The following ENO4 variants were observed in gnomAD, a reference collection of about 807,000 sequenced individuals.
The protein encoded by ENO4 is enolase 4.
A neutral mutation model predicts 63.2 loss-of-function variants in ENO4; 53 were observed. The ratio of observed to expected loss-of-function variants is 0.84; its 90% CI spans 0.67 to 1.05. The LOEUF is 1.05. Ranked by LOEUF, ENO4 falls within the 50% of genes least tolerant of loss-of-function variation. ENO4 has a pLI of 0.00. For synonymous variants in ENO4, 266 were observed against 283.8 expected (o/e 0.94, Z 0.63); for missense variants, 719 against 772.0 (o/e 0.93, Z 0.81).
chr10:116,849,917 A>G (rs1020913172), intron 1 of ENO4, 186 bp downstream of exon 1: 1 of 752,130 alleles, frequency 1.3e-6, no homozygotes, highest in Non-Finnish European at 2.3e-6. Flanking sequence ...GGGTGAAGGG[A>G]TCTCCCCAGA....
chr10:116,860,936 A>G lies in ENO4; in HGVS notation c.777A>G (p.Leu259=), dbSNP rs1846391803. The change falls in exon 5 of 14, where the codon TTA becomes TTG. Residue 259 remains leucine, a synonymous_variant. Coordinates refer to ENST00000341276, the MANE Select transcript of ENO4 (RefSeq NM_001242699.2). The part of the protein sequence containing the change: ...CAMLLNKPLY[L]NIALLKHNQE... ...TGCTGCTTAATAAACCTCTGTACTT[A>G]AATATCGCTCTACTGAAGCACAATC... The G allele has an allele frequency of 6.5e-7, 1 of 1,545,288 alleles. No homozygotes were observed. Among genetic ancestry groups the G allele is most frequent in the Non-Finnish European group, 8.7e-7 (1 of 1,143,322 alleles).
chr10:116,899,225 G>A (rs1444858930), intron 10 of ENO4, among the ~76,000 whole-genome samples: 1 of 152,140 alleles, frequency 6.6e-6, no homozygotes, highest in Non-Finnish European at 1.5e-5. Context: ...AATAAATAAA[G>A]TATATAGTAA....
chr10:116,874,537 G>T (rs1189841359), intron 10 of ENO4, among the ~76,000 whole-genome samples: 1 of 152,188 alleles, frequency 6.6e-6, no homozygotes, highest in African/African-American at 2.4e-5. Flanking sequence ...GATGGAAGCT[G>T]CCCCTGCTGT....
At chr10:116,849,971 G>A (rs2133236431) in intron 1 of ENO4, 1 of 692,362 alleles carries the variant, frequency 1.4e-6, no homozygotes, top group Non-Finnish European at 2.6e-6. Context: ...AGGGCGCTAG[G>A]CGTATTTGAC....
chr10:116,853,819 A>G (rs1846165672), intron 1 of ENO4, among the ~76,000 whole-genome samples: 1 of 152,190 alleles, frequency 6.6e-6, no homozygotes, highest in Non-Finnish European at 1.5e-5. Context: ...CCCACCTCTG[A>G]ACTGGCATGT....
At chr10:116,900,582 T>A in intron 10 of ENO4, 1 of 1,531,374 alleles carries the variant, frequency 6.5e-7, no homozygotes, top group Non-Finnish European at 8.7e-7. Context: ...ACACACACAC[T>A]GAAGCATTTA....
chr10:116,872,027 C>T (rs901723696), intron 9 of ENO4, among the ~76,000 whole-genome samples: 1 of 152,092 alleles, frequency 6.6e-6, no homozygotes, highest in Non-Finnish European at 1.5e-5. Flanking sequence ...TGAAACCCCC[C>T]TCTACAAAAA....
chr10:116,901,628 C>T, intron 10 of ENO4: 1 of 1,356,270 alleles, frequency 7.4e-7, no homozygotes. Flanking sequence ...AAAAGCTGGC[C>T]CATCAAATGA....
downstream of ENO4, chr10:116,886,596 T>G: frequency 1.2e-6 from 2 of 1,609,772 alleles, no homozygotes; most frequent in South Asian, 1.1e-5. Context: ...ACAAAAAAAG[T>G]AAAAAGCAGA....
chr10:116,870,241 T>C (rs993643194), intron 8 of ENO4, among the ~76,000 whole-genome samples: 12 of 152,236 alleles, frequency 7.9e-5, no homozygotes, highest in African/African-American at 2.9e-4. Flanking sequence ...TATAATTGCA[T>C]AGTGGCAATT....
intron 10 of ENO4, chr10:116,900,304 T>C (rs1438177679): frequency 3.6e-6 from 2 of 551,778 alleles, no homozygotes; most frequent in African/African-American, 3.8e-5. Context: ...TCTTAAGCAG[T>C]CATTGAACAA....
At chr10:116,893,933 C>T (rs945626237) in intron 10 of ENO4, among the ~76,000 whole-genome samples, 1 of 152,170 alleles carries the variant, frequency 6.6e-6, no homozygotes, top group Non-Finnish European at 1.5e-5. Context: ...AGCTCAGATT[C>T]TCCAGCTCCA....
intron 9 of ENO4, among the ~76,000 whole-genome samples, chr10:116,871,533 A>C (rs1306229586): frequency 6.6e-6 from 1 of 152,234 alleles, no homozygotes; most frequent in African/African-American, 2.4e-5. Flanking sequence ...TTCTACAATA[A>C]AGATAAGTAA....
intron 7 of ENO4, among the ~76,000 whole-genome samples, chr10:116,863,780 G>T (rs1846481230): frequency 6.6e-6 from 1 of 152,200 alleles, no homozygotes; most frequent in African/African-American, 2.4e-5. Flanking sequence ...GCTGGCTGGG[G>T]CCCAATCCCT....
chr10:116,909,736 T>C (rs530646755), intron 10 of ENO4, among the ~76,000 whole-genome samples: 1 of 152,274 alleles, frequency 6.6e-6, no homozygotes, highest in South Asian at 2.1e-4. Context: ...ACCAGAGACT[T>C]GTTTTCTACC....
chr10:116,875,257 C>A (rs991874387), intron 10 of ENO4, among the ~76,000 whole-genome samples: 1 of 152,068 alleles, frequency 6.6e-6, no homozygotes. Flanking sequence ...CTTTTCACAA[C>A]CTCCATTCTA....
At chr10:116,852,812 G>A (rs1285672412) in intron 1 of ENO4, among the ~76,000 whole-genome samples, 2 of 152,090 alleles carry the variant, frequency 1.3e-5, no homozygotes, top group South Asian at 2.1e-4. Flanking sequence ...TCCCAGCTAC[G>A]GCACTGGACA....
chr10:116,865,783 C>T (rs1391197863), intron 7 of ENO4, among the ~76,000 whole-genome samples: 1 of 152,152 alleles, frequency 6.6e-6, no homozygotes. Flanking sequence ...GTGGGGTGAT[C>T]CAGCCCCAAA....
At position 116,860,795 on chromosome 10, in the gene ENO4, G is replaced by A. The variant is rs1564846094; in HGVS notation, c.636G>A (p.Gly212=). 2.4e-5 allele frequency: 35 copies of A among 1,484,862 alleles called. No individual in the cohort carries two copies. The highest frequency in any genetic ancestry group is 3.2e-5 in the Non-Finnish European group (35 of 1,105,262). 92.0% of individuals were successfully genotyped at this position (1,484,862 alleles called of 1,614,324 possible). A position where few individuals can be genotyped will look rare whatever the true frequency, so the allele number is the denominator to read the frequency against. Residue 212 remains glycine (G), a splice_region_variant and synonymous_variant, in exon 5 of 14, where the codon GGG becomes GGA. Coordinates refer to ENST00000341276, the MANE Select transcript of ENO4 (RefSeq NM_001242699.2). The stretch of plus-strand genomic sequence containing the variant: ...TACTCTCAATATTTCTCCCTCCAGG[G>A]AGGAAGGATACTATTACAGAGAAAC... ...PPTKKKGQKP[G]RKDTITEKPI... is the part of the protein sequence containing the mutation.
Sources: allele counts gnomAD v4.1 joint callset (sites outside exome capture counted in the v4.1 genomes callset), GRCh38; gene constraint gnomAD v4.1.1; transcripts MANE v1.5; gene names NCBI Gene and HGNC (gene_info 2026-07-23, HGNC 2026-07-21).